Variants in CADPS observed in about 807,000 individuals in gnomAD.
CADPS encodes the protein calcium-dependent secretion activator 1.
Under a neutral mutation model 167.3 loss-of-function variants are expected in CADPS, and 57 were observed. That is an observed-to-expected ratio of 0.34 (90% CI 0.28 to 0.42). CADPS has a LOEUF of 0.42. Ranked by LOEUF, CADPS falls within the 20% of genes least tolerant of loss-of-function variation. The probability of loss-of-function intolerance (pLI) is 1.00; values close to 1 mark genes in which losing one functional copy is unlikely to be tolerated. For missense variants in CADPS, 1,414 were observed against 1,738.1 expected (o/e 0.81, Z 3.32); for synonymous variants, 676 against 635.3 (o/e 1.06, Z -0.96).
At chr3:62,844,180 G>C (rs2077047665) in intron 1 of CADPS, among the ~76,000 whole-genome samples, 1 of 152,188 alleles carries the variant, frequency 6.6e-6, no homozygotes, top group African/African-American at 2.4e-5. Flanking sequence ...TAAGGTAAGA[G>C]CTCTTCTGGT....
intron 6 of CADPS, among the ~76,000 whole-genome samples, chr3:62,607,787 C>A (rs1280478788): frequency 6.6e-6 from 1 of 152,166 alleles, no homozygotes; most frequent in Non-Finnish European, 1.5e-5. Flanking sequence ...GTGAGCCATG[C>A]TTGTCTCTTT....
At chr3:62,750,113 A>T (rs2082358806) in intron 3 of CADPS, among the ~76,000 whole-genome samples, 2 of 152,090 alleles carry the variant, frequency 1.3e-5, no homozygotes, top group African/African-American at 2.4e-5. Context: ...GCACTTTGGG[A>T]GGCCGAGGTG....
chr3:62,671,070 G>C (rs529087926), intron 3 of CADPS, among the ~76,000 whole-genome samples: 1 of 152,300 alleles, frequency 6.6e-6, no homozygotes, highest in South Asian at 2.1e-4. Flanking sequence ...CTACTAAGCT[G>C]CCTCTGTCTG....
At chr3:62,568,165 A>G (rs964058776) in intron 9 of CADPS, among the ~76,000 whole-genome samples, 1 of 152,194 alleles carries the variant, frequency 6.6e-6, no homozygotes, top group Non-Finnish European at 1.5e-5. Flanking sequence ...TCATGACCAC[A>G]CTAGCAGCAC....
chr3:62,539,900 G>T (rs1039515094), intron 11 of CADPS, among the ~76,000 whole-genome samples: 4 of 152,152 alleles, frequency 2.6e-5, no homozygotes, highest in Admixed American at 2.6e-4. Context: ...CCACCACTAG[G>T]TATATGATAT....
At chr3:62,747,198 G>A (rs752649478) in intron 3 of CADPS, among the ~76,000 whole-genome samples, 12 of 152,272 alleles carry the variant, frequency 7.9e-5, no homozygotes, top group East Asian at 3.9e-4. Context: ...TTAGCCTTCC[G>A]TCACTACTTC....
chr3:62,513,973 T>C (rs986230837), intron 16 of CADPS, among the ~76,000 whole-genome samples: 17 of 151,940 alleles, frequency 1.1e-4, no homozygotes, highest in Non-Finnish European at 2.9e-5. Flanking sequence ...GACCAAAACA[T>C]CATGAGTAAA....
chr3:62,423,799 T>C (rs1479470384), intron 28 of CADPS, among the ~76,000 whole-genome samples: 1 of 152,146 alleles, frequency 6.6e-6, no homozygotes, highest in Non-Finnish European at 1.5e-5. Context: ...AACATGGAGA[T>C]CACGAAGGTT....
intron 28 of CADPS, among the ~76,000 whole-genome samples, chr3:62,411,367 G>A (rs1031524787): frequency 2.6e-5 from 4 of 152,138 alleles, no homozygotes; most frequent in Non-Finnish European, 5.9e-5. Context: ...GAGTCAAAGA[G>A]GAAGATAATA....
intron 1 of CADPS, among the ~76,000 whole-genome samples, chr3:62,813,375 T>G (rs1462839408): frequency 6.6e-6 from 1 of 152,106 alleles, no homozygotes; most frequent in East Asian, 1.9e-4. Context: ...AAGGACTCCT[T>G]GTACAATAAG....
At chr3:62,777,263 T>C (rs1294501756) in intron 1 of CADPS, among the ~76,000 whole-genome samples, 1 of 152,202 alleles carries the variant, frequency 6.6e-6, no homozygotes. Flanking sequence ...GTGACGCTAA[T>C]GTAACATTCA....
rs553653851 is a variant in CADPS, at chr3:62,789,412, G to A, written c.442-23428C>T. Among the ~76,000 whole-genome samples, 3 of 152,336 alleles carry A rather than the reference G, an allele frequency of 2.0e-5. No individual in the cohort carries two copies. In the East Asian group the frequency reaches 5.8e-4, roughly 29 times the overall value. Reference sequence around the variant, plus strand: ...TAGTCACCCCAAAAGGGGAGTAGGAGTATGTGAGTCTAATCAGCACACTTA... The same window carrying A: ...TAGTCACCCCAAAAGGGGAGTAGGAATATGTGAGTCTAATCAGCACACTTA... On this transcript the variant is annotated intron_variant, in intron 1 of 29. Transcript: ENST00000383710.
chr3:62,866,879 G>A (rs2081792103), intron 1 of CADPS, among the ~76,000 whole-genome samples: 1 of 151,960 alleles, frequency 6.6e-6, no homozygotes, highest in South Asian at 2.1e-4. Flanking sequence ...TAAAGACATG[G>A]ATAATGTCCC....
chr3:62,524,404 C>G (rs2071525374), intron 13 of CADPS, among the ~76,000 whole-genome samples: 1 of 152,194 alleles, frequency 6.6e-6, no homozygotes, highest in Non-Finnish European at 1.5e-5. Flanking sequence ...TAATTATGCC[C>G]TGATGCCCTG....
At chr3:62,795,066 A>C (rs2093306552) in intron 1 of CADPS, among the ~76,000 whole-genome samples, 1 of 151,954 alleles carries the variant, frequency 6.6e-6, no homozygotes, top group Admixed American at 6.6e-5. Context: ...CTTCCTAAGA[A>C]CTCAGACTCT....
In CADPS at chr3:62,874,917, G is replaced by T. The variant is rs1458758426; in HGVS notation, c.113C>A (p.Thr38Asn). The change falls in exon 1 of 30, where the codon ACC becomes AAC. Residue 38 changes from threonine (T) to asparagine (N), a missense_variant. By Grantham distance (65) the Thr-to-Asn change is moderately conservative. Around this residue, in one of 6 missense-constraint regions of CADPS, gnomAD observed 522 missense variants for 559.5 expected, o/e 0.93. Transcript: ENST00000383710. This position sits in a 1 kb window ranked among gnomAD's most constrained non-coding sequence, Gnocchi z 7.1. ...PSGARLSPSR[T>N]SEGSAGSAGL... ...GGCGCTGCCGGCCGAGCCCTCGCTG[G>T]TACGGCTGGGAGACAGGCGCGCGCC... 2.1e-6 allele frequency: 3 copies of T among 1,458,546 alleles called. No individual in the cohort carries two copies. Among genetic ancestry groups the T allele is most frequent in the South Asian group, 1.4e-5 (1 of 73,828 alleles). 90.4% of individuals were successfully genotyped at this position (1,458,546 alleles called of 1,614,324 possible). A position where few individuals can be genotyped will look rare whatever the true frequency, so the allele number is the denominator to read the frequency against.
intron 28 of CADPS, among the ~76,000 whole-genome samples, chr3:62,416,346 C>T (rs2050060321): frequency 6.6e-6 from 1 of 152,200 alleles, no homozygotes; most frequent in South Asian, 2.1e-4. Context: ...TACTCAATTA[C>T]CATAGTAACT....
chr3:62,857,805 G>C (rs1451614892), intron 1 of CADPS, among the ~76,000 whole-genome samples: 2 of 151,348 alleles, frequency 1.3e-5, no homozygotes, highest in Non-Finnish European at 3.0e-5. Flanking sequence ...GTTTATTTTT[G>C]TTTATAGAAA....
intron 24 of CADPS, among the ~76,000 whole-genome samples, chr3:62,471,527 G>A (rs2060618475): frequency 6.6e-6 from 1 of 152,078 alleles, no homozygotes; most frequent in African/African-American, 2.4e-5. Context: ...CAGCTCAAAA[G>A]CAAAACAGCC....
Sources: allele counts gnomAD v4.1 joint callset (sites outside exome capture counted in the v4.1 genomes callset), GRCh38; gene constraint gnomAD v4.1.1; regional missense constraint gnomAD v4.1.1; non-coding constraint Gnocchi (gnomAD v3.1); transcripts MANE v1.5; gene names NCBI Gene and HGNC (gene_info 2026-07-23, HGNC 2026-07-21).